Variants in KCNJ6 observed in about 807,000 individuals in gnomAD.
KCNJ6 encodes the protein G protein-activated inward rectifier potassium channel 2.
KCNJ6 carries 9 observed loss-of-function variants against 34.2 expected under a neutral mutation model. The ratio of observed to expected loss-of-function variants is 0.26; its 90% CI spans 0.16 to 0.46. KCNJ6 has a LOEUF of 0.46. KCNJ6 is among the 20% of genes least tolerant of loss of function. KCNJ6 has a pLI of 1.00. For synonymous variants in KCNJ6, 196 were observed against 207.1 expected (o/e 0.95, Z 0.46); for missense variants, 236 against 531.3 (o/e 0.44, Z 5.46).
intron 1 of KCNJ6, among the ~76,000 whole-genome samples, chr21:37,862,283 G>A (rs544102420): frequency 4.9e-4 from 75 of 152,322 alleles, no homozygotes; most frequent in African/African-American, 1.7e-3. Flanking sequence ...AGGGCTGGAG[G>A]GGGTCACTAT....
chr21:37,704,157 A>C (rs1461590163), intron 3 of KCNJ6, among the ~76,000 whole-genome samples: 1 of 152,210 alleles, frequency 6.6e-6, no homozygotes, highest in Non-Finnish European at 1.5e-5. Flanking sequence ...GAACAAAAAG[A>C]AATTCTGCTG....
chr21:37,882,828 A>C (rs534468542), intron 1 of KCNJ6, among the ~76,000 whole-genome samples: 17 of 152,364 alleles, frequency 1.1e-4, no homozygotes, highest in African/African-American at 4.1e-4. Flanking sequence ...GCCTTCATGC[A>C]TGGAATGTTT....
At chr21:37,852,906 A>G (rs2055544460) in intron 1 of KCNJ6, among the ~76,000 whole-genome samples, 1 of 152,172 alleles carries the variant, frequency 6.6e-6, no homozygotes, top group Admixed American at 6.5e-5. Context: ...CGATGGGCTG[A>G]ACAGCAGGGT....
At chr21:37,866,211 T>C (rs2123607640) in intron 1 of KCNJ6, among the ~76,000 whole-genome samples, 1 of 152,290 alleles carries the variant, frequency 6.6e-6, no homozygotes, top group Non-Finnish European at 1.5e-5. Context: ...AGCTCCTGCC[T>C]GCTGTTCTTG....
intron 1 of KCNJ6, among the ~76,000 whole-genome samples, chr21:37,880,107 A>AT (rs1389086119): frequency 6.6e-6 from 1 of 151,496 alleles, no homozygotes; most frequent in African/African-American, 2.4e-5. Context: ...ATACAAAAAA[A>AT]AAAAAATTAG....
At chr21:37,887,601 G>T (rs2055742187) in intron 1 of KCNJ6, among the ~76,000 whole-genome samples, 2 of 152,214 alleles carry the variant, frequency 1.3e-5, no homozygotes, top group South Asian at 4.1e-4. Flanking sequence ...TTCAAGATGT[G>T]TAAGAAGATA....
At chr21:37,628,567 G>A (rs770096526) in intron 3 of KCNJ6, among the ~76,000 whole-genome samples, 35 of 152,148 alleles carry the variant, frequency 2.3e-4, no homozygotes, top group African/African-American at 5.8e-4. Flanking sequence ...ACCAACGTAC[G>A]CATAATAGGA....
chr21:37,669,034 T>C (rs907379607), intron 3 of KCNJ6, among the ~76,000 whole-genome samples: 5 of 152,224 alleles, frequency 3.3e-5, no homozygotes, highest in Admixed American at 1.3e-4. Flanking sequence ...TGCCATCTAT[T>C]GTCTCAAAGG....
chr21:37,690,014 CTT>C (rs1418605494), intron 3 of KCNJ6, among the ~76,000 whole-genome samples: 6 of 152,202 alleles, frequency 3.9e-5, no homozygotes, highest in Non-Finnish European at 7.3e-5. Flanking sequence ...TAGAAATACT[CTT>C]ATCCCTCTGC....
At chr21:37,912,005 C>G (rs1450179733) in intron 1 of KCNJ6, among the ~76,000 whole-genome samples, 3 of 152,076 alleles carry the variant, frequency 2.0e-5, no homozygotes, top group Non-Finnish European at 4.4e-5. Context: ...GTTAAAAGCC[C>G]TTCTATATTC....
At chr21:37,875,103 CT>C (rs1415771224) in intron 1 of KCNJ6, among the ~76,000 whole-genome samples, 4 of 152,194 alleles carry the variant, frequency 2.6e-5, no homozygotes, top group African/African-American at 9.7e-5. Context: ...GGGACACATG[CT>C]CCTCCCCTGC....
At chr21:37,808,475 C>A (rs2055304705) in intron 2 of KCNJ6, among the ~76,000 whole-genome samples, 1 of 152,208 alleles carries the variant, frequency 6.6e-6, no homozygotes. Context: ...CACAAAGATA[C>A]ATGAATCATC....
chr21:37,727,495 G>A (rs183822243), intron 2 of KCNJ6, among the ~76,000 whole-genome samples: 1 of 152,212 alleles, frequency 6.6e-6, no homozygotes, highest in Admixed American at 6.5e-5. Flanking sequence ...GTGTGCATGT[G>A]TGCACATGTG....
chr21:37,900,256 G>T (rs1362247221), intron 1 of KCNJ6, among the ~76,000 whole-genome samples: 1 of 152,120 alleles, frequency 6.6e-6, no homozygotes, highest in Non-Finnish European at 1.5e-5. Context: ...ATACAGCACT[G>T]TTTACAACAA....
intron 3 of KCNJ6, among the ~76,000 whole-genome samples, chr21:37,709,330 G>A (rs1463025743): frequency 1.3e-5 from 2 of 151,954 alleles, no homozygotes; most frequent in South Asian, 2.1e-4. Context: ...TGACCAACAC[G>A]GAGAAACCCC....
intron 3 of KCNJ6, among the ~76,000 whole-genome samples, chr21:37,656,730 T>C (rs1274674383): frequency 1.3e-5 from 2 of 152,308 alleles, no homozygotes; most frequent in Admixed American, 1.3e-4. Context: ...TCAGGGACAC[T>C]GTCCTCAAAA....
At chr21:37,798,321 A>G (rs2835964) in intron 2 of KCNJ6, among the ~76,000 whole-genome samples, 67,293 of 152,008 alleles carry the variant, frequency 0.44, 16,364 homozygotes, top group Non-Finnish European at 0.53. Flanking sequence ...GAAGGGCACT[A>G]GCTCTGCTTT....
intron 2 of KCNJ6, among the ~76,000 whole-genome samples, chr21:37,792,951 T>A (rs1304545738): frequency 6.6e-6 from 1 of 152,130 alleles, no homozygotes; most frequent in African/African-American, 2.4e-5. Context: ...GGTCACAAGG[T>A]GAGTCAGTAA....
At chr21:37,732,627 C>T (rs527824496) in intron 2 of KCNJ6, among the ~76,000 whole-genome samples, 26 of 152,316 alleles carry the variant, frequency 1.7e-4, no homozygotes, top group African/African-American at 4.8e-4. Flanking sequence ...GATTCCACCA[C>T]GTCATGGGTT....
Sources: gnomAD v4.1 joint callset for allele counts (sites outside exome capture counted in the v4.1 genomes callset) on GRCh38, gnomAD v4.1.1 for gene constraint, MANE v1.5 for transcripts, NCBI Gene and HGNC (gene_info 2026-07-23, HGNC 2026-07-21) for gene names.